Variants in ZNF385D observed in about 807,000 individuals in gnomAD.
The protein encoded by ZNF385D is zinc finger protein 385D.
In ZNF385D, 15 loss-of-function variants were observed where a neutral mutation model predicts 35.8. That is an observed-to-expected ratio of 0.42 (90% CI 0.28 to 0.64). The LOEUF (loss-of-function observed/expected upper bound fraction) is 0.64. Ranked by LOEUF, ZNF385D falls within the 30% of genes least tolerant of loss-of-function variation. The pLI is 0.23. For missense variants in ZNF385D, 474 were observed against 494.6 expected, an observed-to-expected ratio of 0.96 and a Z score of 0.39; for synonymous variants, 212 against 186.8, an observed-to-expected ratio of 1.13 and a Z score of -1.10.
At chr3:22,237,311 T>C (rs1699242526) in intron 2 of ZNF385D, among the ~76,000 whole-genome samples, 1 of 152,224 alleles carries the variant, frequency 6.6e-6, no homozygotes, top group Non-Finnish European at 1.5e-5. Flanking sequence ...CTACTGGCTA[T>C]TTGTATATCT....
At chr3:22,099,975 C>T (rs1701842374) in intron 3 of ZNF385D, among the ~76,000 whole-genome samples, 1 of 151,834 alleles carries the variant, frequency 6.6e-6, no homozygotes, top group South Asian at 2.1e-4. Flanking sequence ...TGAACTCAAA[C>T]AAATTTACAA....
At position 22,259,861 on chromosome 3, in the gene ZNF385D, G is replaced by A. The variant is rs938609067; in HGVS notation, c.107-90826C>T. ...AAAAAAAAAAACTAATACAAATGTT[G>A]GTTTTATTCCAAAAATAGTTCCCCC... is the stretch of plus-strand genomic sequence containing the variant. On this transcript the variant is annotated intron_variant, in intron 2 of 5. Coordinates refer to the ZNF385D transcript ENST00000494108. Among the ~76,000 whole-genome samples, 8 of 151,674 alleles carry A rather than the reference G, an allele frequency of 5.3e-5. No individual in the cohort carries two copies. In the South Asian group the frequency reaches 1.7e-3, roughly 32 times the overall value.
intron 2 of ZNF385D, among the ~76,000 whole-genome samples, chr3:22,191,510 A>C (rs527610003): frequency 6.6e-6 from 1 of 151,642 alleles, no homozygotes; most frequent in Admixed American, 6.6e-5. Context: ...AAAAAAGGAC[A>C]ATTTTTCCTA....
In ZNF385D at chr3:22,005,588, C is replaced by T. The variant is rs147230953; in HGVS notation, c.325+163229G>A. 5.3e-3 allele frequency among the ~76,000 whole-genome samples: 809 copies of T among 152,140 alleles called. 9 individuals are homozygous for T. Among genetic ancestry groups the T allele is most frequent in the African/African-American group, 0.019 (775 of 41,536 alleles). On this transcript the variant is annotated intron_variant, in intron 3 of 5. Coordinates refer to the ZNF385D transcript ENST00000494108. The stretch of plus-strand genomic sequence containing the variant: ...CACAATTACACACGTATCAAAATAG[C>T]ACATGTATCCCATAAGTATGTATAA...
chr3:21,662,233 A>G (rs1289592481), intron 2 of ZNF385D, among the ~76,000 whole-genome samples: 1 of 152,164 alleles, frequency 6.6e-6, no homozygotes, highest in Non-Finnish European at 1.5e-5. Flanking sequence ...CGTGGCACAG[A>G]AAAAGCTGAG....
At chr3:22,247,962 T>A (rs925188502) in intron 2 of ZNF385D, among the ~76,000 whole-genome samples, 3 of 152,050 alleles carry the variant, frequency 2.0e-5, no homozygotes, top group Admixed American at 2.0e-4. Flanking sequence ...AGCATTTAAA[T>A]CAAAAACAAG....
At chr3:21,816,226 C>T (rs975081777) in intron 3 of ZNF385D, among the ~76,000 whole-genome samples, 1 of 152,082 alleles carries the variant, frequency 6.6e-6, no homozygotes, top group Non-Finnish European at 1.5e-5. Flanking sequence ...CAATATCATA[C>T]CGAATGAGCA....
intron 2 of ZNF385D, among the ~76,000 whole-genome samples, chr3:22,185,550 C>G (rs1037168462): frequency 1.3e-5 from 2 of 152,130 alleles, no homozygotes; most frequent in Non-Finnish European, 2.9e-5. Flanking sequence ...TCACTGCAAC[C>G]TCCGCCTCCC....
rs77615363 is a variant in ZNF385D at position 22,270,020 on chromosome 3, T to G, written c.107-100985A>C. Among the ~76,000 whole-genome samples the G allele has an allele frequency of 4.4e-3, 674 of 152,004 alleles. 7 individuals carry two copies. The highest frequency in any genetic ancestry group is 0.015 in the African/African-American group (641 of 41,512). ...GTGATCATCCAGGCACCTTGCCAAA[T>G]TGCAGACTCTGGCTCAGACTCTCTG... On this transcript the variant is annotated intron_variant, in intron 2 of 5. Transcript: ENST00000494108.
At chr3:21,873,699 C>T (rs1697813137) in intron 3 of ZNF385D, among the ~76,000 whole-genome samples, 1 of 152,046 alleles carries the variant, frequency 6.6e-6, no homozygotes. Context: ...AGTTTGACCA[C>T]TTTAGATAAC....
intron 3 of ZNF385D, among the ~76,000 whole-genome samples, chr3:21,847,383 A>T: frequency 6.6e-6 from 1 of 151,008 alleles, no homozygotes; most frequent in East Asian, 1.9e-4. Flanking sequence ...TCAAAAAATT[A>T]AAATAAGAAA....
At chr3:22,219,397 C>T (rs529140384) in intron 2 of ZNF385D, among the ~76,000 whole-genome samples, 75 of 152,144 alleles carry the variant, frequency 4.9e-4, no homozygotes, top group Middle Eastern at 6.8e-3. Flanking sequence ...ATATTCTTCC[C>T]AATCCACACT....
chr3:21,530,396 C>T lies in ZNF385D; in HGVS notation c.277-19373G>A, dbSNP rs73134928. 3.7e-3 allele frequency among the ~76,000 whole-genome samples: 565 copies of T among 152,290 alleles called. 3 individuals are homozygous for T. The highest frequency in any genetic ancestry group is 0.013 in the African/African-American group (546 of 41,540). ...AAAGTCTACATTTTAGGGAGAAGTACTGGAGTCTCCATCCTGGGTCTTTGA... is the reference window on the plus strand; with the variant it reads ...AAAGTCTACATTTTAGGGAGAAGTATTGGAGTCTCCATCCTGGGTCTTTGA... On this transcript the variant is annotated intron_variant, in intron 3 of 7. Transcript: ENST00000281523.
intron 2 of ZNF385D, among the ~76,000 whole-genome samples, chr3:22,249,507 T>C (rs1490752849): frequency 6.6e-6 from 1 of 152,204 alleles, no homozygotes; most frequent in Non-Finnish European, 1.5e-5. Context: ...GAAGTAATTA[T>C]GTAAGACACT....
chr3:22,307,790 C>G (rs1406248862), intron 2 of ZNF385D, among the ~76,000 whole-genome samples: 1 of 147,716 alleles, frequency 6.8e-6, no homozygotes, highest in African/African-American at 2.5e-5. Flanking sequence ...ATCTTAAATA[C>G]AGAAAATGTA....
At position 22,036,625 on chromosome 3, in the gene ZNF385D, A is replaced by T. The variant is rs1698335495; in HGVS notation, c.325+132192T>A. Among the ~76,000 whole-genome samples, 3 of 152,090 alleles carry T rather than the reference A, an allele frequency of 2.0e-5. 1 individual carries two copies. In the South Asian group the frequency reaches 6.2e-4, roughly 31 times the overall value. On this transcript the variant is annotated intron_variant, in intron 3 of 5. Transcript: ENST00000494108. ...CATAAAACAGTTTGGTTGCTTACAA[A>T]TTGCAAAAACAAGCAAAGAGCACCT... is the stretch of plus-strand genomic sequence containing the variant.
At chr3:22,156,341 C>T (rs1393713778) in intron 3 of ZNF385D, among the ~76,000 whole-genome samples, 1 of 151,974 alleles carries the variant, frequency 6.6e-6, no homozygotes, top group Non-Finnish European at 1.5e-5. Flanking sequence ...GGTCAGAATG[C>T]CAAGCAAAAG....
Position 22,361,466 on chromosome 3 carries a change from G to A in ZNF385D, c.106+10984C>T, listed in dbSNP as rs143596540. ...AACTGTTAAAGTCACTTCAGCATTCGCATAAAAGTAGGTTATCTTCACATC... is the reference window on the plus strand; with the variant it reads ...AACTGTTAAAGTCACTTCAGCATTCACATAAAAGTAGGTTATCTTCACATC... On this transcript the variant is annotated intron_variant, in intron 2 of 5. Transcript: ENST00000494108. Among the ~76,000 whole-genome samples, 278 of 152,124 alleles carry A rather than the reference G, an allele frequency of 1.8e-3. 3 individuals carry two copies. The highest frequency in any genetic ancestry group is 0.01 in the East Asian group (54 of 5,162).
At chr3:21,511,141 C>A in intron 3 of ZNF385D, 118 bp from the exon 4 acceptor site, 1 of 1,296,602 alleles carries the variant, frequency 7.7e-7, no homozygotes, top group Non-Finnish European at 1.1e-6. Flanking sequence ...CTAATTCTGG[C>A]CGTGGCCAGA....
Sources: gnomAD v4.1 joint callset for allele counts (sites outside exome capture counted in the v4.1 genomes callset) on GRCh38, gnomAD v4.1.1 for gene constraint, MANE v1.5 for transcripts, NCBI Gene and HGNC (gene_info 2026-07-23, HGNC 2026-07-21) for gene names.